The following PTPRR variants were observed in gnomAD, a reference collection of about 807,000 sequenced individuals.
PTPRR encodes the protein receptor-type tyrosine-protein phosphatase R.
In PTPRR, 38 loss-of-function variants were observed where a neutral mutation model predicts 77.2. That is an observed-to-expected ratio of 0.49 (90% CI 0.38 to 0.65). The LOEUF (loss-of-function observed/expected upper bound fraction) is 0.65. PTPRR is among the 30% of genes least tolerant of loss of function. The pLI is 0.00. For missense variants in PTPRR, 744 were observed against 799.2 expected (o/e 0.93, Z 0.83); for synonymous variants, 299 against 283.1 (o/e 1.06, Z -0.57).
At chr12:70,872,602 G>A (rs1010587167) in intron 2 of PTPRR, among the ~76,000 whole-genome samples, 8 of 149,102 alleles carry the variant, frequency 5.4e-5, no homozygotes, top group African/African-American at 4.9e-5. Flanking sequence ...AGGCTGAGGC[G>A]GGAGAATGGC....
intron 2 of PTPRR, among the ~76,000 whole-genome samples, chr12:70,796,126 G>T (rs1283522269): frequency 6.6e-6 from 1 of 151,836 alleles, no homozygotes. Flanking sequence ...GTTTCACTAT[G>T]TTGGGCAGGC....
chr12:70,777,331 C>T lies in PTPRR; in HGVS notation c.358-12553G>A, dbSNP rs1891112540. On this transcript the variant is annotated intron_variant, in intron 2 of 13. Coordinates refer to ENST00000283228, the MANE Select transcript of PTPRR (RefSeq NM_002849.4). ...TTCTTCCTTGGTTTTCTGTCTTTTG[C>T]TATATTGTCTGTTTTTAGTTGTTAT... Among the ~76,000 whole-genome samples the T allele has an allele frequency of 1.3e-5, 2 of 151,380 alleles. 1 individual carries two copies. The highest frequency in any genetic ancestry group is 4.2e-4 in the South Asian group (2 of 4,788).
chr12:70,844,471 T>C (rs966780636), intron 2 of PTPRR, among the ~76,000 whole-genome samples: 2 of 152,204 alleles, frequency 1.3e-5, no homozygotes, highest in Admixed American at 6.5e-5. Flanking sequence ...ATATTATATA[T>C]GTCTAACATG....
At chr12:70,792,916 C>T (rs1234077759) in intron 2 of PTPRR, among the ~76,000 whole-genome samples, 1 of 151,988 alleles carries the variant, frequency 6.6e-6, no homozygotes, top group Non-Finnish European at 1.5e-5. Flanking sequence ...GAATTCTTTC[C>T]ATTTAAGGAA....
chr12:70,698,260 C>A lies in PTPRR; in HGVS notation c.1279+5G>T. ...CAATGCAAATTATAAAATCAAGAAGCTTACTTGGTAAAATGGTCTTATAGC... is the reference window on the plus strand; with the variant it reads ...CAATGCAAATTATAAAATCAAGAAGATTACTTGGTAAAATGGTCTTATAGC... On this transcript the variant is annotated splice_donor_5th_base_variant and intron_variant, in intron 8 of 13. Transcript: ENST00000283228. 2 of 1,611,602 alleles carry A rather than the reference C, an allele frequency of 1.2e-6. No homozygotes were observed. The highest frequency in any genetic ancestry group is 2.2e-5 in the East Asian group (1 of 44,844).
At chr12:70,852,745 G>T (rs1021003608) in intron 2 of PTPRR, among the ~76,000 whole-genome samples, 2 of 152,196 alleles carry the variant, frequency 1.3e-5, no homozygotes, top group African/African-American at 4.8e-5. Context: ...GTGTGACATT[G>T]TGCAAATTAT....
At chr12:70,794,681 C>T (rs1274377202) in intron 2 of PTPRR, among the ~76,000 whole-genome samples, 1 of 152,156 alleles carries the variant, frequency 6.6e-6, no homozygotes, top group African/African-American at 2.4e-5. Context: ...GACAGCTGAT[C>T]AATACACATG....
At chr12:70,695,780 C>T (rs571124645) in intron 8 of PTPRR, among the ~76,000 whole-genome samples, 13 of 152,030 alleles carry the variant, frequency 8.6e-5, no homozygotes, top group Non-Finnish European at 1.6e-4. Flanking sequence ...AATTCTAACA[C>T]GCAGCACTTT....
At chr12:70,865,337 T>C (rs1892825195) in intron 2 of PTPRR, among the ~76,000 whole-genome samples, 1 of 99,376 alleles carries the variant, frequency 1.0e-5, no homozygotes, top group Non-Finnish European at 2.6e-5. Flanking sequence ...ATGAAGAAAG[T>C]CTTTATTTGA....
chr12:70,772,539 G>A (rs1592748749), intron 2 of PTPRR, among the ~76,000 whole-genome samples: 1 of 152,146 alleles, frequency 6.6e-6, no homozygotes, highest in Non-Finnish European at 1.5e-5. Context: ...AGGAATCAGA[G>A]AGAATTTGGA....
chr12:70,726,758 T>G (rs1016447672), intron 6 of PTPRR, among the ~76,000 whole-genome samples: 6 of 152,094 alleles, frequency 3.9e-5, no homozygotes, highest in African/African-American at 1.4e-4. Context: ...TTTTTGTATT[T>G]TTAGTAGAGA....
At chr12:70,909,790 G>T (rs373830996) in intron 1 of PTPRR, among the ~76,000 whole-genome samples, 2 of 152,170 alleles carry the variant, frequency 1.3e-5, no homozygotes, top group African/African-American at 4.8e-5. Flanking sequence ...TGATGATACC[G>T]CATGTCCTAC....
At chr12:70,837,823 C>T (rs186817906) in intron 2 of PTPRR, among the ~76,000 whole-genome samples, 229 of 152,130 alleles carry the variant, frequency 1.5e-3, no homozygotes, top group African/African-American at 5.2e-3. Flanking sequence ...GGCTGAAAGT[C>T]CCAATCCTCT....
At chr12:70,823,852 T>G (rs1280411470) in intron 2 of PTPRR, among the ~76,000 whole-genome samples, 1 of 152,126 alleles carries the variant, frequency 6.6e-6, no homozygotes, top group Non-Finnish European at 1.5e-5. Context: ...TCCTGGGTCT[T>G]GTAAGCGGGA....
At chr12:70,801,851 C>A (rs902518232) in intron 2 of PTPRR, among the ~76,000 whole-genome samples, 1 of 152,136 alleles carries the variant, frequency 6.6e-6, no homozygotes, top group Admixed American at 6.6e-5. Flanking sequence ...TCTAATATTA[C>A]TGGCAATCCA....
intron 2 of PTPRR, among the ~76,000 whole-genome samples, chr12:70,809,520 A>T (rs955540495): frequency 2.0e-5 from 3 of 152,194 alleles, no homozygotes; most frequent in African/African-American, 7.2e-5. Flanking sequence ...ATTATGTCGT[A>T]CAGTAGATAG....
intron 11 of PTPRR, 120 bp from the exon 12 acceptor site, chr12:70,661,217 A>G: frequency 2.3e-6 from 3 of 1,319,200 alleles, no homozygotes; most frequent in Non-Finnish European, 3.2e-6. Flanking sequence ...TCTAGGTGGG[A>G]AAAAAATTTA....
intron 1 of PTPRR, among the ~76,000 whole-genome samples, chr12:70,911,727 A>T (rs1893702336): frequency 6.9e-6 from 1 of 145,512 alleles, no homozygotes; most frequent in Non-Finnish European, 1.5e-5. Context: ...TACAGATGAA[A>T]ACTATCAAGA....
chr12:70,662,339 CA>C (rs1396754878), intron 11 of PTPRR, among the ~76,000 whole-genome samples, 155 bp downstream of exon 11: 26 of 152,060 alleles, frequency 1.7e-4, no homozygotes, highest in Non-Finnish European at 3.7e-4. Flanking sequence ...TAGTTGACAA[CA>C]AAAAATACAT....
Sources: allele counts gnomAD v4.1 joint callset (sites outside exome capture counted in the v4.1 genomes callset), GRCh38; gene constraint gnomAD v4.1.1; transcripts MANE v1.5; gene names NCBI Gene and HGNC (gene_info 2026-07-23, HGNC 2026-07-21).